The following PRKG1 variants were observed in gnomAD, a reference collection of about 807,000 sequenced individuals.
PRKG1 encodes the protein protein kinase cGMP-dependent 1.
A neutral mutation model predicts 88.1 loss-of-function variants in PRKG1; 35 were observed. The observed-to-expected ratio is 0.40, with a 90% CI of 0.30 to 0.53. The LOEUF is 0.53. PRKG1 is among the 20% of genes least tolerant of loss of function. PRKG1 has a pLI of 0.59. For missense variants in PRKG1, 540 were observed against 839.8 expected (o/e 0.64, Z 4.41); for synonymous variants, 303 against 292.5 (o/e 1.04, Z -0.37).
At chr10:51,713,185 C>T (rs1841804389) in intron 3 of PRKG1, among the ~76,000 whole-genome samples, 1 of 152,172 alleles carries the variant, frequency 6.6e-6, no homozygotes, top group Non-Finnish European at 1.5e-5. Flanking sequence ...TTAAATTTCA[C>T]CAGCAGCCAC....
chr10:51,515,264 A>G (rs955401742), intron 3 of PRKG1, among the ~76,000 whole-genome samples: 4 of 152,226 alleles, frequency 2.6e-5, no homozygotes, highest in Admixed American at 2.0e-4. Context: ...TTCAAAGACA[A>G]TACCATTTAT....
chr10:51,171,303 G>A (rs1273724557), intron 2 of PRKG1, among the ~76,000 whole-genome samples: 2 of 152,100 alleles, frequency 1.3e-5, no homozygotes, highest in African/African-American at 2.4e-5. Flanking sequence ...ATCAGGGATT[G>A]GCTAAATTGT....
At chr10:51,408,488 C>T (rs1356694125) in intron 2 of PRKG1, among the ~76,000 whole-genome samples, 1 of 152,186 alleles carries the variant, frequency 6.6e-6, no homozygotes. Flanking sequence ...GACAGGCAAA[C>T]CCATGCCTGG....
chr10:51,858,302 A>ATAT (rs1491472009), intron 4 of PRKG1, among the ~76,000 whole-genome samples: 405 of 14,834 alleles, frequency 0.027, 117 homozygotes, highest in East Asian at 0.22. Flanking sequence ...CATATGTATA[A>ATAT]TATATATATG....
intron 3 of PRKG1, among the ~76,000 whole-genome samples, chr10:51,554,248 T>A (rs1468167715): frequency 4.1e-5 from 6 of 147,364 alleles, no homozygotes; most frequent in African/African-American, 1.2e-4. Context: ...TGTATATATA[T>A]TATACATATA....
chr10:52,151,613 G>T lies in PRKG1; in HGVS notation c.1002-10276G>T, dbSNP rs189620696. On this transcript the variant is annotated intron_variant, in intron 8 of 17. Coordinates refer to ENST00000373980, the MANE Select transcript of PRKG1 (RefSeq NM_006258.4). ...GTTAGTATGGATTTTATATAGTAAG[G>T]TAAAGAGAGTTGCTAACACTTAAAA... Among the ~76,000 whole-genome samples, 1,051 of 152,224 alleles carry T rather than the reference G, an allele frequency of 6.9e-3. 11 individuals are homozygous for T. The highest frequency in any genetic ancestry group is 0.023 in the African/African-American group (944 of 41,530).
At chr10:52,031,046 T>TTAA (rs1845462956) in intron 5 of PRKG1, among the ~76,000 whole-genome samples, 1 of 152,078 alleles carries the variant, frequency 6.6e-6, no homozygotes, top group Admixed American at 6.6e-5. Flanking sequence ...AGATCCATTA[T>TTAA]TTATTCTCAA....
chr10:51,849,296 A>G (rs2132800264), intron 4 of PRKG1, among the ~76,000 whole-genome samples: 1 of 152,310 alleles, frequency 6.6e-6, no homozygotes, highest in South Asian at 2.1e-4. Context: ...AAAGAAAATA[A>G]TCTGGGGGGT....
At chr10:51,679,078 C>G (rs900344218) in intron 3 of PRKG1, among the ~76,000 whole-genome samples, 1 of 152,190 alleles carries the variant, frequency 6.6e-6, no homozygotes, top group Non-Finnish European at 1.5e-5. Flanking sequence ...AGAAGGAAGA[C>G]AAGGTCTCTG....
intron 2 of PRKG1, among the ~76,000 whole-genome samples, chr10:51,200,093 G>A (rs544131252): frequency 6.6e-6 from 1 of 152,260 alleles, no homozygotes; most frequent in Non-Finnish European, 1.5e-5. Flanking sequence ...GTGGCATGTG[G>A]GCTAACACTT....
chr10:51,293,502 A>T (rs534122781), intron 2 of PRKG1, among the ~76,000 whole-genome samples: 71 of 150,324 alleles, frequency 4.7e-4, no homozygotes, highest in African/African-American at 1.7e-3. Context: ...GGCTTATTTC[A>T]CTTAACTTAA....
intron 2 of PRKG1, among the ~76,000 whole-genome samples, chr10:51,396,166 G>A (rs558777374): frequency 2.6e-5 from 4 of 152,096 alleles, no homozygotes; most frequent in East Asian, 1.9e-4. Context: ...TGGGTGGATC[G>A]CTTGAGGCCA....
At chr10:51,585,756 G>A (rs1185283102) in intron 3 of PRKG1, among the ~76,000 whole-genome samples, 1 of 152,110 alleles carries the variant, frequency 6.6e-6, no homozygotes, top group Non-Finnish European at 1.5e-5. Context: ...AAGAAAATGT[G>A]GTGCATATAC....
chr10:51,614,374 T>C (rs1838989880), intron 3 of PRKG1, among the ~76,000 whole-genome samples: 2 of 151,952 alleles, frequency 1.3e-5, no homozygotes, highest in African/African-American at 2.4e-5. Flanking sequence ...TCAATTTATA[T>C]GTGTCTTTAC....
At position 52,068,255 on chromosome 10, in the gene PRKG1, G is replaced by A. The variant is rs188980586; in HGVS notation, c.935+5624G>A. 5.4e-5 allele frequency among the ~76,000 whole-genome samples: 8 copies of A among 148,104 alleles called. No individual in the cohort carries two copies. The East Asian group carries it at 1.4e-3, about 26-fold the overall frequency. ...TCCCTACTTGACTTGAAACCATATG[G>A]AATACATATAAACATCAGATGATGG... is the stretch of plus-strand genomic sequence containing the variant. On this transcript the variant is annotated intron_variant, in intron 7 of 17. Transcript: ENST00000373980.
At chr10:51,927,026 A>G (rs1392579872) in intron 5 of PRKG1, among the ~76,000 whole-genome samples, 1 of 152,094 alleles carries the variant, frequency 6.6e-6, no homozygotes, top group Non-Finnish European at 1.5e-5. Context: ...ATGGACTACT[A>G]GATTATATGA....
rs538598405 is a variant in PRKG1, at chr10:51,163,470, C to T, written c.478+10140C>T. 2.1e-3 allele frequency among the ~76,000 whole-genome samples: 320 copies of T among 152,252 alleles called. 3 individuals are homozygous for T. The Middle Eastern group carries it at 0.031, about 15-fold the overall frequency. ...CTCCCAGCATGAGCGACGCAGAAGACGGGTGATTTCTGCATTTCCATCTGA... is the reference window on the plus strand; with the variant it reads ...CTCCCAGCATGAGCGACGCAGAAGATGGGTGATTTCTGCATTTCCATCTGA... On this transcript the variant is annotated intron_variant, in intron 2 of 17. Coordinates refer to ENST00000373980, the MANE Select transcript of PRKG1 (RefSeq NM_006258.4).
chr10:52,127,389 G>T (rs889124377), intron 7 of PRKG1, among the ~76,000 whole-genome samples: 5 of 152,092 alleles, frequency 3.3e-5, no homozygotes, highest in Non-Finnish European at 7.4e-5. Context: ...ATGAAGATTT[G>T]CAAGTCACTC....
At chr10:52,069,491 C>T (rs1003044797) in intron 7 of PRKG1, among the ~76,000 whole-genome samples, 13 of 152,096 alleles carry the variant, frequency 8.5e-5, no homozygotes, top group Non-Finnish European at 1.6e-4. Flanking sequence ...GATCACACCA[C>T]TCTCCTCCAG....
Sources: allele counts gnomAD v4.1 joint callset (sites outside exome capture counted in the v4.1 genomes callset), GRCh38; gene constraint gnomAD v4.1.1; transcripts MANE v1.5; gene names NCBI Gene and HGNC (gene_info 2026-07-23, HGNC 2026-07-21).